Variants in GLIPR1L1 observed in about 807,000 individuals in gnomAD.
GLIPR1L1 encodes the protein GLIPR1 like 1, also known as GLIPR1-like protein 1.
In GLIPR1L1, 26 loss-of-function variants were observed where a neutral mutation model predicts 29.9. The observed-to-expected ratio is 0.87, with a 90% CI of 0.64 to 1.21. GLIPR1L1 has a LOEUF of 1.21. Among genes scored for constraint, GLIPR1L1 ranks in the 50% most tolerant of loss-of-function variants. The pLI, the probability that GLIPR1L1 is intolerant of heterozygous loss-of-function variation, is 0.00. For synonymous variants in GLIPR1L1, 77 were observed against 97.5 expected (o/e 0.79, Z 1.24); for missense variants, 305 against 290.3 (o/e 1.05, Z -0.37).
intron 4 of GLIPR1L1, chr12:75,366,867 A>G (rs1182722379): frequency 8.6e-6 from 6 of 701,230 alleles, no homozygotes; most frequent in African/African-American, 1.7e-5. Context: ...GAGTCTTTTA[A>G]AACTAATTTT....
chr12:75,345,678 C>A (rs1024748223), intron 2 of GLIPR1L1, among the ~76,000 whole-genome samples: 25 of 152,274 alleles, frequency 1.6e-4, no homozygotes, highest in African/African-American at 6.0e-4. Flanking sequence ...GGTTTGGATA[C>A]TAAGGGAAAA....
rs184425441 is a variant in GLIPR1L1, at chr12:75,369,987, G to T, written c.637+1G>T. The T allele has an allele frequency of 4.6e-6, 5 of 1,081,736 alleles. No individual in the cohort carries two copies. The East Asian group carries it at 1.3e-4, about 28-fold the overall frequency. 67.0% of individuals were successfully genotyped at this position (1,081,736 alleles called of 1,614,324 possible). Reference sequence around the variant, plus strand: ...ACTCCACAACTTATTATACCTAACCGTATGTATCAAAATATTTTAGTATTA... The same window carrying T: ...ACTCCACAACTTATTATACCTAACCTTATGTATCAAAATATTTTAGTATTA... On this transcript the variant is annotated splice_donor_variant, in intron 5 of 5. Coordinates refer to ENST00000378695, the MANE Select transcript of GLIPR1L1 (RefSeq NM_001304964.2). LOFTEE classifies it high-confidence loss of function.
chr12:75,351,551 T>G (rs1270082664), intron 3 of GLIPR1L1, among the ~76,000 whole-genome samples: 2 of 124,052 alleles, frequency 1.6e-5, no homozygotes, highest in African/African-American at 6.8e-5. Flanking sequence ...TTTTGTTTTG[T>G]TTTTTTTTTT....
intron 4 of GLIPR1L1, chr12:75,369,565 A>C (rs2044220933): frequency 2.0e-6 from 2 of 983,974 alleles, no homozygotes; most frequent in South Asian, 4.7e-5. Flanking sequence ...AAATATTTGG[A>C]GTAAGGACCA....
intron 1 of GLIPR1L1, among the ~76,000 whole-genome samples, chr12:75,340,139 A>T (rs1202984922): frequency 6.7e-6 from 1 of 149,696 alleles, no homozygotes; most frequent in Non-Finnish European, 1.5e-5. Context: ...ATACACACAT[A>T]TATATAAAAT....
intron 1 of GLIPR1L1, among the ~76,000 whole-genome samples, chr12:75,343,092 T>C (rs745783877): frequency 6.6e-6 from 1 of 152,008 alleles, no homozygotes; most frequent in Non-Finnish European, 1.5e-5. Context: ...ATCCCAATCC[T>C]TATACATTTT....
chr12:75,365,159 T>C (rs2043881844), intron 4 of GLIPR1L1: 1 of 152,144 alleles, frequency 6.6e-6, no homozygotes. Context: ...CAACAGAGCA[T>C]ATGCAATGAA....
In GLIPR1L1 at chr12:75,370,266, C is replaced by A; in HGVS notation, c.*90C>A. 1 of 711,366 alleles carries A rather than the reference C, an allele frequency of 1.4e-6. No homozygotes were observed. Among genetic ancestry groups the A allele is most frequent in the Non-Finnish European group, 2.4e-6 (1 of 409,670 alleles). The allele number at this position is 711,366 out of a possible 1,614,324, so 44.1% of individuals were successfully genotyped here. A position where few individuals can be genotyped will look rare whatever the true frequency, so the allele number is the denominator to read the frequency against. ...AACTTATCATCACTTTGCTTCTTTA[C>A]TGAATCTTCTACACTCTTGCCTGAT... On this transcript the variant is annotated 3_prime_UTR_variant, in exon 6 of 6. Coordinates refer to ENST00000378695, the MANE Select transcript of GLIPR1L1 (RefSeq NM_001304964.2).
rs1426953182 is a variant in GLIPR1L1, at chr12:75,334,702, C to G, written c.-27C>G. The G allele has an allele frequency of 6.2e-7, 1 of 1,600,804 alleles. No homozygotes were observed. The highest frequency in any genetic ancestry group is 1.7e-5 in the Admixed American group (1 of 59,126). On this transcript the variant is annotated 5_prime_UTR_variant, in exon 1 of 6. Transcript: ENST00000378695. The stretch of plus-strand genomic sequence containing the variant: ...CCGTTACTGGTCCGCGCAGTCAGGG[C>G]ATCCTCCGCATCCTCCACATCCTTC...
intron 3 of GLIPR1L1, 151 bp from the exon 4 acceptor site, chr12:75,362,951 C>T (rs972001986): frequency 6.0e-6 from 3 of 498,716 alleles, no homozygotes; most frequent in Non-Finnish European, 1.1e-5. Context: ...CTTATTTTAA[C>T]AAAAGAAATG....
At chr12:75,362,973 G>A (rs1166485844) in intron 3 of GLIPR1L1, 129 bp from the exon 4 acceptor site, 1 of 513,444 alleles carries the variant, frequency 1.9e-6, no homozygotes, top group African/African-American at 2.1e-5. Flanking sequence ...AAATAAAATT[G>A]AGACATTATT....
chr12:75,370,117 C>A lies in GLIPR1L1; in HGVS notation c.670C>A (p.Pro224Thr). 1 of 1,607,786 alleles carries A rather than the reference C, an allele frequency of 6.2e-7. No individual in the cohort carries two copies. The highest frequency in any genetic ancestry group is 8.5e-7 in the Non-Finnish European group (1 of 1,176,188). ...NPFLKPTGRA[P>T]QQTAFNPFSL... is the part of the protein sequence containing the mutation. ...ATTTCTGAAGCCAACGGGGAGAGCA[C>A]CTCAGCAGACAGCCTTTAATCCATT... The change falls in exon 6 of 6, where the codon CCT (proline) becomes ACT (threonine). Residue 224 changes from proline (P) to threonine (T), a missense_variant. Transcript: ENST00000378695.
At chr12:75,367,931 C>T (rs1192135313) in intron 4 of GLIPR1L1, among the ~76,000 whole-genome samples, 1 of 152,052 alleles carries the variant, frequency 6.6e-6, no homozygotes, top group Non-Finnish European at 1.5e-5. Context: ...AGATTATTTT[C>T]ATTGGTCCTC....
At chr12:75,347,902 G>A (rs907456380) in intron 3 of GLIPR1L1, among the ~76,000 whole-genome samples, 180 bp downstream of exon 3, 4 of 151,926 alleles carry the variant, frequency 2.6e-5, no homozygotes, top group Admixed American at 2.6e-4. Context: ...CTTACTTAAA[G>A]AAAAATTATA....
At chr12:75,360,780 TTTCTTTCCACACTGCCCTAG>T (rs949474040) in intron 3 of GLIPR1L1, 2 of 152,150 alleles carry the variant, frequency 1.3e-5, no homozygotes, top group Non-Finnish European at 2.9e-5. Flanking sequence ...AACCCCACCT[TTTCTTTCCACACTGCCCTAG>T]TAGAGGTTCT....
intron 3 of GLIPR1L1, among the ~76,000 whole-genome samples, chr12:75,356,359 A>G (rs995281938): frequency 1.3e-5 from 2 of 152,168 alleles, no homozygotes; most frequent in African/African-American, 4.8e-5. Flanking sequence ...ATGTTTTCTT[A>G]TTTAATTCTC....
At position 75,363,154 on chromosome 12, in the gene GLIPR1L1, T is replaced by C; in HGVS notation, c.574T>C (p.Cys192Arg). Residue 192 changes from cysteine to arginine, a missense_variant, in exon 4 of 6, where the codon TGC becomes CGC. Transcript: ENST00000378695. ...PYVRGESCSL[C>R]SKEEKCVKNL... ...CGTAAGAGGAGAATCTTGCTCTCTC[T>C]GCTCAAAAGAAGAGAAATGTGTAAA... is the stretch of plus-strand genomic sequence containing the variant. The C allele has an allele frequency of 1.3e-6, 2 of 1,552,118 alleles. No homozygotes were observed. Among genetic ancestry groups the C allele is most frequent in the Non-Finnish European group, 1.7e-6 (2 of 1,156,452 alleles).
At chr12:75,335,856 G>A (rs1358791948) in intron 1 of GLIPR1L1, among the ~76,000 whole-genome samples, 1 of 151,814 alleles carries the variant, frequency 6.6e-6, no homozygotes, top group African/African-American at 2.4e-5. Context: ...AATCTTCAAC[G>A]GAATTCAGAA....
At chr12:75,346,538 A>G (rs201405305) in intron 2 of GLIPR1L1, among the ~76,000 whole-genome samples, 1 of 152,090 alleles carries the variant, frequency 6.6e-6, no homozygotes, top group South Asian at 2.1e-4. Context: ...TTACAGGCAC[A>G]TGCCACCACG....
Sources: gnomAD v4.1 joint callset for allele counts (sites outside exome capture counted in the v4.1 genomes callset) on GRCh38, gnomAD v4.1.1 for gene constraint, MANE v1.5 for transcripts, NCBI Gene and HGNC (gene_info 2026-07-23, HGNC 2026-07-21) for gene names.